Variants in OXNAD1 observed in about 807,000 individuals in gnomAD.
OXNAD1 encodes oxidoreductase NAD binding domain containing 1, also known as oxidoreductase NAD-binding domain-containing protein 1.
A neutral mutation model predicts 32.9 loss-of-function variants in OXNAD1; 34 were observed. The ratio of observed to expected loss-of-function variants is 1.03; its 90% confidence interval spans 0.79 to 1.38. OXNAD1 has a LOEUF of 1.38. OXNAD1 is among the 40% of genes most tolerant of loss of function. OXNAD1 has a pLI of 0.00. For missense variants in OXNAD1, 407 were observed against 379.4 expected (o/e 1.07, Z -0.60); for synonymous variants, 134 against 135.2 (o/e 0.99, Z 0.06).
Position 16,270,989 on chromosome 3 carries a change from C to A in OXNAD1, c.37C>A (p.Arg13=), listed in dbSNP as rs146704754. 7 of 1,614,148 alleles carry A rather than the reference C, an allele frequency of 4.3e-6. No individual in the cohort carries two copies. The highest frequency in any genetic ancestry group is 5.9e-6 in the Non-Finnish European group (7 of 1,180,014). Residue 13 remains arginine, a synonymous_variant, in exon 3 of 9, where the codon CGG becomes AGG. Coordinates refer to ENST00000285083, the MANE Select transcript of OXNAD1 (RefSeq NM_138381.5). ...TGCTGTTATGATTCCTGGGTTGTTG[C>A]GGTGCTCTGTTGGAGCCATCCGTAT... ...CAAVMIPGLL[R]CSVGAIRIEA...
At chr3:16,296,968 C>A (rs571910851) in intron 6 of OXNAD1, among the ~76,000 whole-genome samples, 6 of 151,896 alleles carry the variant, frequency 4.0e-5, no homozygotes, top group African/African-American at 1.2e-4. Context: ...AAAGCAAGAT[C>A]CATCAAAAAA....
Position 16,336,214 on chromosome 3 carries a change from G to A in OXNAD1, c.*31-898G>A, listed in dbSNP as rs1478527219. On this transcript the variant is annotated intron_variant, in intron 9 of 9. Transcript: ENST00000435829. This position sits in a 1 kb window ranked among gnomAD's most constrained non-coding sequence, Gnocchi z 6.0. ...CACGTGGCCCTCAGGATGCTAAAGG[G>A]CAGGGCTATGCCTGGTATCACTGTT... Among the ~76,000 whole-genome samples the A allele has an allele frequency of 6.6e-6, 1 of 152,254 alleles. No individual in the cohort carries two copies. The highest frequency in any genetic ancestry group is 1.9e-4 in the East Asian group (1 of 5,204).
At chr3:16,293,596 A>G (rs777774492) in intron 5 of OXNAD1, among the ~76,000 whole-genome samples, 1 of 152,094 alleles carries the variant, frequency 6.6e-6, no homozygotes, top group African/African-American at 2.4e-5. Context: ...TAGGGGGGAA[A>G]CTTTCAGCCT....
downstream of OXNAD1, among the ~76,000 whole-genome samples, chr3:16,309,329 CTAG>C (rs982200819): frequency 1.7e-4 from 26 of 152,262 alleles, no homozygotes; most frequent in African/African-American, 6.3e-4. Flanking sequence ...AAAAAATTGA[CTAG>C]TATTACCAAG....
intron 5 of OXNAD1, among the ~76,000 whole-genome samples, chr3:16,292,199 T>C (rs866238296): frequency 2.0e-5 from 3 of 151,132 alleles, no homozygotes; most frequent in Middle Eastern, 3.4e-3. Flanking sequence ...TAACTTTTTT[T>C]TTTTTTTTTT....
At chr3:16,266,584 CAG>C (rs1281303769) in intron 1 of OXNAD1, among the ~76,000 whole-genome samples, 1 of 114,188 alleles carries the variant, frequency 8.8e-6, no homozygotes, top group South Asian at 2.7e-4. Flanking sequence ...GCCTGGGCGA[CAG>C]AGCTAGACGC....
downstream of OXNAD1, among the ~76,000 whole-genome samples, chr3:16,310,991 CAAA>C (rs1003070321): frequency 1.0e-4 from 6 of 57,554 alleles, no homozygotes; most frequent in African/African-American, 3.7e-4. Flanking sequence ...ACTCAGTCTC[CAAA>C]AAAAAAAAAA....
Position 16,322,131 on chromosome 3 carries a change from C to T in OXNAD1, c.*31-14981C>T, listed in dbSNP as rs2069132123. ...CCTGTGGCTGAGCTGAAACTGACAG[C>T]GCTCTGCAGCCGATCCATCTTCCAG... On this transcript the variant is annotated intron_variant, in intron 9 of 9. Coordinates refer to the OXNAD1 transcript ENST00000435829. The surrounding 1 kb of genome is among the most constrained non-coding windows in gnomAD (Gnocchi z 6.2). Among the ~76,000 whole-genome samples, 1 of 152,242 alleles carries T rather than the reference C, an allele frequency of 6.6e-6. No homozygotes were observed. The highest frequency in any genetic ancestry group is 2.1e-4 in the South Asian group (1 of 4,834).
chr3:16,303,865 A>C lies in OXNAD1; in HGVS notation c.*303A>C, dbSNP rs576784177. 1 of 195,772 alleles carries C rather than the reference A, an allele frequency of 5.1e-6. No individual in the cohort carries two copies. Among genetic ancestry groups the C allele is most frequent in the Non-Finnish European group, 1.0e-5 (1 of 96,390 alleles). 12.1% of individuals were successfully genotyped at this position (195,772 alleles called of 1,614,324 possible). On this transcript the variant is annotated 3_prime_UTR_variant, in exon 9 of 9. Transcript: ENST00000285083. The surrounding 1 kb of genome is among the most constrained non-coding windows in gnomAD (Gnocchi z 4.8). ...ATTTTTCTTTTGTCTTTAGGCAAAA[A>C]AAAGATATATACTTATGTCTAATCA...
chr3:16,274,167 TAAAAA>T (rs34969392), intron 4 of OXNAD1, among the ~76,000 whole-genome samples: 1 of 122,406 alleles, frequency 8.2e-6, no homozygotes, highest in Admixed American at 8.3e-5. Flanking sequence ...GTACTATCAC[TAAAAA>T]AAAAAAAAAA....
chr3:16,329,547 G>A lies in OXNAD1; in HGVS notation c.*31-7565G>A, dbSNP rs940183997. 5.9e-5 allele frequency among the ~76,000 whole-genome samples: 9 copies of A among 152,048 alleles called. No homozygotes were observed. Among genetic ancestry groups the A allele is most frequent in the African/African-American group, 1.4e-4 (6 of 41,396 alleles). On this transcript the variant is annotated intron_variant, in intron 9 of 9. Transcript: ENST00000435829. This position sits in a 1 kb window ranked among gnomAD's most constrained non-coding sequence, Gnocchi z 4.5. ...CTTTCTGCCTGGCCTCTGGGCACAC[G>A]CACACCTCCCTTCCAGACCAGCACA... is the stretch of plus-strand genomic sequence containing the variant.
Position 16,327,990 on chromosome 3 carries a change from G to GA in OXNAD1, c.*31-9118dup, listed in dbSNP as rs1417249901. ...GTTTGGCTTCTTGTAGTTGGCTTCC[G>GA]AAAATCTCAAACATGTATCCAGATT... On this transcript the variant is annotated intron_variant, in intron 9 of 9. Coordinates refer to the OXNAD1 transcript ENST00000435829. The surrounding 1 kb of genome is among the most constrained non-coding windows in gnomAD (Gnocchi z 4.2). 2.0e-5 allele frequency among the ~76,000 whole-genome samples: 3 copies of GA among 152,162 alleles called. No individual in the cohort carries two copies. The East Asian group carries it at 5.8e-4, about 29-fold the overall frequency.
chr3:16,346,671 G>A lies in OXNAD1; in HGVS notation c.*31-2505G>A, dbSNP rs2071741953. Among the ~76,000 whole-genome samples, 1 of 152,172 alleles carries A rather than the reference G, an allele frequency of 6.6e-6. No individual in the cohort carries two copies. The highest frequency in any genetic ancestry group is 1.5e-5 in the Non-Finnish European group (1 of 68,036). On this transcript the variant is annotated intron_variant, in intron 9 of 9. Coordinates refer to the OXNAD1 transcript ENST00000606098. This position sits in a 1 kb window ranked among gnomAD's most constrained non-coding sequence, Gnocchi z 4.4. ...GACTCAGTCCTGGCCAATGAGACCTGAGGAAATCTCTGTTGTGGGTTTCTG... is the reference window on the plus strand; with the variant it reads ...GACTCAGTCCTGGCCAATGAGACCTAAGGAAATCTCTGTTGTGGGTTTCTG...
Position 16,319,627 on chromosome 3 carries a change from G to T in OXNAD1, c.*30+16035G>T, listed in dbSNP as rs140629340. Among the ~76,000 whole-genome samples, 442 of 152,290 alleles carry T rather than the reference G, an allele frequency of 2.9e-3. 4 individuals carry two copies. The highest frequency in any genetic ancestry group is 0.01 in the African/African-American group (433 of 41,574). On this transcript the variant is annotated intron_variant, in intron 9 of 9. Coordinates refer to the OXNAD1 transcript ENST00000435829. ...GGGGCTGCTCTTGCTAAATAACAGA[G>T]CTTCCATAGTTTCCCCTGGATGCCT...
intron 4 of OXNAD1, among the ~76,000 whole-genome samples, chr3:16,279,735 G>C (rs2065614459): frequency 6.6e-6 from 1 of 152,146 alleles, no homozygotes; most frequent in Admixed American, 6.5e-5. Context: ...GCTGAATTCT[G>C]CTGAGAGGTC....
chr3:16,302,793 G>T lies in OXNAD1; in HGVS notation c.784+45G>T, dbSNP rs748266836. ...TTTGACTATCTCCATGCAGTTATTT[G>T]ATGGACACACCAGTTGGTTGAGCGT... On this transcript the variant is annotated intron_variant, in intron 8 of 8. Transcript: ENST00000285083. This position sits in a 1 kb window ranked among gnomAD's most constrained non-coding sequence, Gnocchi z 4.2. 3.5e-6 allele frequency: 5 copies of T among 1,409,136 alleles called. No individual in the cohort carries two copies. The East Asian group carries it at 1.2e-4, about 33-fold the overall frequency. 87.3% of individuals were successfully genotyped at this position (1,409,136 alleles called of 1,614,324 possible). A position where few individuals can be genotyped will look rare whatever the true frequency, so the allele number is the denominator to read the frequency against.
rs578220116 is a variant in OXNAD1, at chr3:16,290,272, GTGTT to G, written c.290+3826_290+3829del. Among the ~76,000 whole-genome samples the G allele has an allele frequency of 1.3e-3, 205 of 152,340 alleles. 1 individual carries two copies. The highest frequency in any genetic ancestry group is 7.2e-3 in the South Asian group (35 of 4,830). On this transcript the variant is annotated intron_variant, in intron 5 of 8. Transcript: ENST00000285083. This position sits in a 1 kb window ranked among gnomAD's most constrained non-coding sequence, Gnocchi z 4.2. ...CTGCAAAGGACATTTTTAAAGGTGT[GTGTT>G]TAAGGTATAATTCTTTCTTGGACAG...
chr3:16,341,087 A>G (rs1266068791), downstream of OXNAD1, among the ~76,000 whole-genome samples: 1 of 152,256 alleles, frequency 6.6e-6, no homozygotes, highest in African/African-American at 2.4e-5. This position sits in a 1 kb window ranked among gnomAD's most constrained non-coding sequence, Gnocchi z 4.7. Flanking sequence ...CATTAGGGAA[A>G]TGCAAATAAG....
chr3:16,332,843 C>CTACG (rs2070463134), intron 9 of OXNAD1, among the ~76,000 whole-genome samples: 3 of 151,838 alleles, frequency 2.0e-5, no homozygotes, highest in African/African-American at 7.3e-5. Flanking sequence ...ATTTATCTAC[C>CTACG]TACCTACCTA....
Sources: allele counts gnomAD v4.1 joint callset (sites outside exome capture counted in the v4.1 genomes callset), GRCh38; gene constraint gnomAD v4.1.1; non-coding constraint Gnocchi (gnomAD v3.1); transcripts MANE v1.5; gene names NCBI Gene and HGNC (gene_info 2026-07-23, HGNC 2026-07-21).